CACNA2D3: variants seen among roughly 807,000 people sequenced by gnomAD.
The protein encoded by CACNA2D3 is calcium voltage-gated channel auxiliary subunit alpha2delta 3.
A neutral mutation model predicts 160.6 loss-of-function variants in CACNA2D3; 60 were observed. The ratio of observed to expected loss-of-function variants is 0.37; its 90% CI spans 0.30 to 0.46. CACNA2D3 has a LOEUF of 0.46. Among genes scored for constraint, CACNA2D3 ranks in the 20% least tolerant of loss-of-function variants. The probability of loss-of-function intolerance (pLI) is 1.00; values close to 1 mark genes in which losing one functional copy is unlikely to be tolerated. For synonymous variants in CACNA2D3, 558 were observed against 492.9 expected (o/e 1.13, Z -1.75); for missense variants, 1,205 against 1,365.0 (o/e 0.88, Z 1.85).
chr3:54,365,784 A>T (rs1301363125), intron 3 of CACNA2D3, among the ~76,000 whole-genome samples: 1 of 152,144 alleles, frequency 6.6e-6, no homozygotes, highest in Non-Finnish European at 1.5e-5. Context: ...AATCACTTGA[A>T]CTTGGGAGGC....
chr3:54,781,174 A>G (rs930708664), intron 13 of CACNA2D3, among the ~76,000 whole-genome samples: 5 of 152,234 alleles, frequency 3.3e-5, no homozygotes, highest in African/African-American at 7.2e-5. Flanking sequence ...AAAGAAGATT[A>G]GTGGTTGGGA....
At chr3:55,066,236 C>T (rs1704633521) in intron 35 of CACNA2D3, among the ~76,000 whole-genome samples, 1 of 152,146 alleles carries the variant, frequency 6.6e-6, no homozygotes, top group Non-Finnish European at 1.5e-5. Flanking sequence ...GTGAACAGGG[C>T]CAGTGCCAAA....
intron 2 of CACNA2D3, among the ~76,000 whole-genome samples, chr3:54,306,643 T>C (rs1703608879): frequency 6.6e-6 from 1 of 152,172 alleles, no homozygotes; most frequent in African/African-American, 2.4e-5. Flanking sequence ...ATCTGTCCCT[T>C]ATTGGCCCTG....
chr3:54,146,701 G>A (rs954356676), intron 2 of CACNA2D3, among the ~76,000 whole-genome samples: 5 of 152,224 alleles, frequency 3.3e-5, no homozygotes, highest in African/African-American at 1.2e-4. Flanking sequence ...TTTCTGAGCC[G>A]CATGTGCACA....
chr3:54,822,818 T>C (rs1192487253), intron 14 of CACNA2D3, among the ~76,000 whole-genome samples: 3 of 121,046 alleles, frequency 2.5e-5, no homozygotes, highest in Admixed American at 1.7e-4. Context: ...TTTCTTTCTT[T>C]CTTTCTTTCT....
At chr3:54,830,874 G>A (rs1017587427) in intron 14 of CACNA2D3, among the ~76,000 whole-genome samples, 3 of 152,116 alleles carry the variant, frequency 2.0e-5, no homozygotes, top group African/African-American at 7.2e-5. Context: ...CCACTAGATG[G>A]TGGCAGTGTC....
chr3:54,948,406 A>C (rs1031262609), intron 27 of CACNA2D3, among the ~76,000 whole-genome samples: 1 of 152,240 alleles, frequency 6.6e-6, no homozygotes, highest in African/African-American at 2.4e-5. Flanking sequence ...TAGGCCCTTC[A>C]TGGGCATATA....
intron 24 of CACNA2D3, among the ~76,000 whole-genome samples, chr3:54,891,141 G>T (rs900060698): frequency 6.7e-6 from 1 of 150,232 alleles, no homozygotes; most frequent in African/African-American, 2.5e-5. Flanking sequence ...GTATTACTTT[G>T]AAAACTTTTG....
intron 3 of CACNA2D3, among the ~76,000 whole-genome samples, chr3:54,341,509 C>T (rs1323080869): frequency 6.6e-6 from 1 of 152,174 alleles, no homozygotes; most frequent in Non-Finnish European, 1.5e-5. Context: ...CTGAAGGGGT[C>T]AGGAAGGTTG....
chr3:54,824,206 A>G (rs981020826), intron 14 of CACNA2D3, among the ~76,000 whole-genome samples: 3 of 152,208 alleles, frequency 2.0e-5, no homozygotes, highest in African/African-American at 7.2e-5. Context: ...CTTATTTTCT[A>G]CCAAAGGCGA....
Position 54,944,443 on chromosome 3 carries a change from C to T in CACNA2D3, c.2450-24007C>T, listed in dbSNP as rs146977869. Among the ~76,000 whole-genome samples the T allele has an allele frequency of 3.0e-3, 433 of 145,718 alleles. 14 individuals carry two copies. The East Asian group carries it at 0.076, about 26-fold the overall frequency. On this transcript the variant is annotated intron_variant, in intron 27 of 37. Coordinates refer to ENST00000474759, the MANE Select transcript of CACNA2D3 (RefSeq NM_018398.3). The stretch of plus-strand genomic sequence containing the variant: ...ATTTATTTATTTATTTATTTTGAGA[C>T]GGAATCTCGCTCTGTCGCCCAGGCT...
intron 4 of CACNA2D3, among the ~76,000 whole-genome samples, chr3:54,404,424 G>C (rs1242096001): frequency 6.6e-6 from 1 of 152,074 alleles, no homozygotes; most frequent in Non-Finnish European, 1.5e-5. Flanking sequence ...ATTCAACAAA[G>C]TTCAACATCC....
chr3:54,742,822 ATC>A (rs1479583271), intron 11 of CACNA2D3, among the ~76,000 whole-genome samples: 1 of 152,228 alleles, frequency 6.6e-6, no homozygotes, highest in Non-Finnish European at 1.5e-5. Context: ...CTGATCTTCC[ATC>A]CATGGGAGGC....
intron 13 of CACNA2D3, among the ~76,000 whole-genome samples, chr3:54,766,747 A>G (rs548499939): frequency 6.6e-5 from 10 of 152,272 alleles, no homozygotes; most frequent in Admixed American, 3.3e-4. Context: ...AATGGAGTCA[A>G]TATTAAAAAC....
At chr3:54,179,330 G>T (rs1041448613) in intron 2 of CACNA2D3, among the ~76,000 whole-genome samples, 2 of 152,190 alleles carry the variant, frequency 1.3e-5, no homozygotes, top group African/African-American at 4.8e-5. Context: ...GGGCCTTTGG[G>T]CAGTCTTGCT....
chr3:54,969,764 T>C (rs149010639), intron 28 of CACNA2D3, 36 bp from the exon 29 acceptor site: 23 of 1,604,528 alleles, frequency 1.4e-5, no homozygotes, highest in Non-Finnish European at 1.8e-5. Flanking sequence ...CCAAGTAACA[T>C]AGTAACACAT....
intron 13 of CACNA2D3, among the ~76,000 whole-genome samples, chr3:54,799,045 T>A (rs1056962725): frequency 1.3e-5 from 2 of 152,242 alleles, no homozygotes; most frequent in Non-Finnish European, 2.9e-5. Context: ...AAGTGGTGAT[T>A]GTTTTTGTTT....
chr3:54,305,839 G>A (rs766631643), intron 2 of CACNA2D3, among the ~76,000 whole-genome samples: 8 of 152,156 alleles, frequency 5.3e-5, no homozygotes, highest in Non-Finnish European at 1.2e-4. Flanking sequence ...TAGATGACAA[G>A]CCACAGCAGT....
intron 27 of CACNA2D3, among the ~76,000 whole-genome samples, chr3:54,931,443 G>A (rs1559634884): frequency 6.6e-6 from 1 of 152,184 alleles, no homozygotes. Flanking sequence ...ATGCTAGGCA[G>A]TGCCTTTTCT....
Sources: gnomAD v4.1 joint callset for allele counts (sites outside exome capture counted in the v4.1 genomes callset) on GRCh38, gnomAD v4.1.1 for gene constraint, MANE v1.5 for transcripts, NCBI Gene and HGNC (gene_info 2026-07-23, HGNC 2026-07-21) for gene names.